PIEZO2: variants seen among roughly 807,000 people sequenced by gnomAD.
PIEZO2 encodes the protein piezo-type mechanosensitive ion channel component 2.
Under a neutral mutation model 337.3 loss-of-function variants are expected in PIEZO2, and 172 were observed. The ratio of observed to expected loss-of-function variants is 0.51; its 90% confidence interval spans 0.45 to 0.58. The LOEUF is 0.58. Among genes scored for constraint, PIEZO2 ranks in the 20% least tolerant of loss-of-function variants. PIEZO2 has a pLI of 0.00. For synonymous variants in PIEZO2, 1,251 were observed against 1,228.5 expected, an observed-to-expected ratio of 1.02 and a Z score of -0.38; for missense variants, 3,028 against 3,391.3, an observed-to-expected ratio of 0.89 and a Z score of 2.66.
rs1294459050 is a variant in PIEZO2, at chr18:10,704,578, T to C, written c.6074A>G (p.Tyr2025Cys). ...VGQPRFLLLF[Y>C]AMYNTLVARS... ...GGCCACCAGGGTATTGTACATGGCATAGAAGAGCAGCAGAAATCGGGGCTG... is the reference window on the plus strand; with the variant it reads ...GGCCACCAGGGTATTGTACATGGCACAGAAGAGCAGCAGAAATCGGGGCTG... Residue 2025 changes from tyrosine to cysteine, a missense_variant, in exon 42 of 56, where the codon TAT becomes TGT. Physicochemically the swap from Tyr to Cys is radical, Grantham distance 194. This residue lies in a region of PIEZO2 where 1,925 missense variants were observed against 2,051.9 expected (regional missense o/e 0.94). Transcript: ENST00000674853. 2 of 1,537,162 alleles carry C rather than the reference T, an allele frequency of 1.3e-6. No homozygotes were observed. The highest frequency in any genetic ancestry group is 1.7e-6 in the Non-Finnish European group (2 of 1,146,914).
At chr18:10,722,609 A>T (rs1220325387) in intron 36 of PIEZO2, among the ~76,000 whole-genome samples, 3 of 152,214 alleles carry the variant, frequency 2.0e-5, no homozygotes, top group Non-Finnish European at 2.9e-5. Flanking sequence ...GAAAAAAAAT[A>T]AAAATTGCTT....
intron 21 of PIEZO2, among the ~76,000 whole-genome samples, chr18:10,764,599 A>AG (rs544780804): frequency 5.9e-5 from 9 of 151,850 alleles, no homozygotes; most frequent in Non-Finnish European, 1.2e-4. Context: ...CAAAAAAAAA[A>AG]AAAAGTTTAA....
intron 3 of PIEZO2, among the ~76,000 whole-genome samples, chr18:10,950,166 T>C (rs896027358): frequency 5.9e-5 from 9 of 152,234 alleles, no homozygotes; most frequent in Non-Finnish European, 7.3e-5. Flanking sequence ...AATTATAGTT[T>C]AACTCCAGCC....
chr18:10,875,051 T>C (rs1230532477), intron 4 of PIEZO2, among the ~76,000 whole-genome samples: 2 of 152,188 alleles, frequency 1.3e-5, no homozygotes, highest in African/African-American at 4.8e-5. Context: ...ATTGTATGAA[T>C]GTATCCAATA....
In PIEZO2 at chr18:11,149,569, T is replaced by G. The variant is rs192158212; in HGVS notation, c.-981A>C. ...GCGGCGCGCGCTTCTCCACCTTCAA[T>G]GAAACTTTCGAAGCCCTCACTCGGG... On this transcript the variant is annotated 5_prime_UTR_variant, in exon 1 of 56. Coordinates refer to ENST00000674853, the MANE Select transcript of PIEZO2 (RefSeq NM_001378183.1). This position sits in a 1 kb window ranked among gnomAD's most constrained non-coding sequence, Gnocchi z 8.7. Among the ~76,000 whole-genome samples the G allele has an allele frequency of 6.6e-6, 1 of 151,696 alleles. No homozygotes were observed. The highest frequency in any genetic ancestry group is 2.4e-5 in the African/African-American group (1 of 41,338).
intron 7 of PIEZO2, among the ~76,000 whole-genome samples, chr18:10,817,414 A>G (rs1467429773): frequency 6.6e-6 from 1 of 152,252 alleles, no homozygotes; most frequent in East Asian, 1.9e-4. Flanking sequence ...TTATACCCGA[A>G]GTATCCATTT....
intron 2 of PIEZO2, among the ~76,000 whole-genome samples, chr18:11,015,377 CTG>C (rs1438120728): frequency 1.3e-5 from 2 of 152,194 alleles, no homozygotes; most frequent in Non-Finnish European, 2.9e-5. Flanking sequence ...TCTTCCTTCT[CTG>C]TGTGCTTCAC....
intron 49 of PIEZO2, among the ~76,000 whole-genome samples, chr18:10,685,882 C>T (rs533824525): frequency 4.6e-5 from 7 of 152,206 alleles, no homozygotes; most frequent in Admixed American, 2.0e-4. Flanking sequence ...CACGAGATTG[C>T]GCCTTACTGG....
chr18:11,068,582 AAAAG>A (rs367685519), intron 1 of PIEZO2, among the ~76,000 whole-genome samples: 2 of 152,256 alleles, frequency 1.3e-5, no homozygotes, highest in Non-Finnish European at 2.9e-5. Context: ...TACATAAAAA[AAAAG>A]AAAGATCTCA....
chr18:10,740,653 A>G (rs2037180442), intron 33 of PIEZO2: 2 of 324,802 alleles, frequency 6.2e-6, no homozygotes, highest in South Asian at 3.3e-5. Context: ...GTGGAGCCCA[A>G]GCTCATTTTT....
At chr18:10,916,001 T>C (rs1350394765) in intron 3 of PIEZO2, among the ~76,000 whole-genome samples, 1 of 150,780 alleles carries the variant, frequency 6.6e-6, no homozygotes. Context: ...TTTCAAACCT[T>C]GAGCTAGTCA....
intron 47 of PIEZO2, among the ~76,000 whole-genome samples, chr18:10,695,749 C>T (rs1205214651): frequency 6.6e-6 from 1 of 152,180 alleles, no homozygotes; most frequent in African/African-American, 2.4e-5. Context: ...ACTTTACCTC[C>T]ACCTCTGCTA....
chr18:11,084,450 G>C (rs1199643392), intron 1 of PIEZO2, among the ~76,000 whole-genome samples: 1 of 152,068 alleles, frequency 6.6e-6, no homozygotes, highest in Non-Finnish European at 1.5e-5. Flanking sequence ...CAGGAGATAA[G>C]AGAGATCAAG....
At position 10,854,290 on chromosome 18, in the gene PIEZO2, A is replaced by T. The variant is rs2041639040; in HGVS notation, c.917+1063T>A. On this transcript the variant is annotated intron_variant, in intron 7 of 55. Coordinates refer to ENST00000674853, the MANE Select transcript of PIEZO2 (RefSeq NM_001378183.1). The surrounding 1 kb of genome is among the most constrained non-coding windows in gnomAD (Gnocchi z 4.6). ...AGCTATCTCAGTTTTGATCATGTTG[A>T]CTTCAATCAATTCCTCAAGATATTG... Among the ~76,000 whole-genome samples the T allele has an allele frequency of 6.6e-6, 1 of 152,178 alleles. No individual in the cohort carries two copies. Among genetic ancestry groups the T allele is most frequent in the Non-Finnish European group, 1.5e-5 (1 of 68,032 alleles).
chr18:10,875,513 A>C (rs1042974821), intron 4 of PIEZO2, among the ~76,000 whole-genome samples: 2 of 152,224 alleles, frequency 1.3e-5, no homozygotes, highest in African/African-American at 2.4e-5. Flanking sequence ...GGCTGAGGTC[A>C]GGAGTAGTAG....
In PIEZO2 at chr18:11,071,757, C is replaced by T. The variant is rs542298736; in HGVS notation, c.65-5535G>A. Among the ~76,000 whole-genome samples the T allele has an allele frequency of 9.2e-5, 14 of 152,016 alleles. No homozygotes were observed. The East Asian group carries it at 2.1e-3, about 23-fold the overall frequency. On this transcript the variant is annotated intron_variant, in intron 1 of 55. Transcript: ENST00000674853. ...AAGCAAGCCTGACCCTTCCAACTCA[C>T]AGAAGACAGCCCCAAAGAGCCCAGT...
intron 24 of PIEZO2, among the ~76,000 whole-genome samples, chr18:10,760,295 G>A (rs1019034386): frequency 6.6e-6 from 1 of 152,132 alleles, no homozygotes; most frequent in Admixed American, 6.6e-5. Context: ...AAAGAAAGAA[G>A]ATTAATACTT....
At chr18:11,034,938 A>G (rs906944577) in intron 2 of PIEZO2, among the ~76,000 whole-genome samples, 1 of 152,220 alleles carries the variant, frequency 6.6e-6, no homozygotes, top group Non-Finnish European at 1.5e-5. Context: ...TGTTCACCAG[A>G]TCCCAACTTC....
At chr18:10,866,520 C>T (rs1032033521) in intron 5 of PIEZO2, among the ~76,000 whole-genome samples, 1 of 152,170 alleles carries the variant, frequency 6.6e-6, no homozygotes, top group African/African-American at 2.4e-5. Flanking sequence ...ATCCCGACCT[C>T]GTGATCTGCC....
Sources: allele counts gnomAD v4.1 joint callset (sites outside exome capture counted in the v4.1 genomes callset), GRCh38; gene constraint gnomAD v4.1.1; regional missense constraint gnomAD v4.1.1; non-coding constraint Gnocchi (gnomAD v3.1); transcripts MANE v1.5; gene names NCBI Gene and HGNC (gene_info 2026-07-23, HGNC 2026-07-21).